GPHN: variants seen among roughly 807,000 people sequenced by gnomAD.
The protein encoded by GPHN is gephyrin.
Under a neutral mutation model 95.5 loss-of-function variants are expected in GPHN, and 17 were observed. The ratio of observed to expected loss-of-function variants is 0.18; its 90% CI spans 0.12 to 0.27. GPHN has a LOEUF of 0.27. GPHN is among the 10% of genes least tolerant of loss of function. The pLI is 1.00. For missense variants in GPHN, 660 were observed against 978.1 expected (o/e 0.67, Z 4.34); for synonymous variants, 320 against 322.5 (o/e 0.99, Z 0.08).
At chr14:67,446,761 GT>G in the GPHN span, among the ~76,000 whole-genome samples, 23 of 152,174 alleles carry the variant, frequency 1.5e-4, no homozygotes, top group Non-Finnish European at 2.5e-4. Context: ...AGCTAACAGG[GT>G]TATATTTAAT....
chr14:66,687,485 G>GTTTTTTTTTTT (rs1468240848), intron 2 of GPHN, among the ~76,000 whole-genome samples: 1 of 143,750 alleles, frequency 7.0e-6, no homozygotes, highest in Non-Finnish European at 1.5e-5. Flanking sequence ...TATTTTATTT[G>GTTTTTTTTTTT]GTTTTTTTTT....
chr14:67,079,882 A>G (rs2153662348), intron 11 of GPHN, among the ~76,000 whole-genome samples: 1 of 152,202 alleles, frequency 6.6e-6, no homozygotes, highest in African/African-American at 2.4e-5. Context: ...ACTATTGTGA[A>G]TATAGTTTCT....
At chr14:67,076,473 A>T (rs1306491446) in intron 11 of GPHN, among the ~76,000 whole-genome samples, 1 of 152,140 alleles carries the variant, frequency 6.6e-6, no homozygotes, top group Non-Finnish European at 1.5e-5. Flanking sequence ...TTTTTTAATG[A>T]TGTAGAGACT....
chr14:67,693,427 C>T, the GPHN span, among the ~76,000 whole-genome samples: 1 of 151,960 alleles, frequency 6.6e-6, no homozygotes. Context: ...AATCTGTCCA[C>T]AACTGGCATT....
chr14:67,211,731 C>G, the GPHN span, among the ~76,000 whole-genome samples: 1 of 152,060 alleles, frequency 6.6e-6, no homozygotes, highest in African/African-American at 2.4e-5. Context: ...TTAACAAAAC[C>G]CTGCCACCAA....
chr14:67,065,626 A>G (rs145544559), intron 11 of GPHN, among the ~76,000 whole-genome samples: 61 of 152,192 alleles, frequency 4.0e-4, no homozygotes, highest in African/African-American at 1.3e-3. Flanking sequence ...TCTTGGGTGC[A>G]TATATATTTA....
chr14:67,570,722 C>T, the GPHN span: 1 of 152,204 alleles, frequency 6.6e-6, no homozygotes, highest in Non-Finnish European at 1.5e-5. Context: ...TCCTTCCCTA[C>T]CTCCTCCTTT....
the GPHN span, among the ~76,000 whole-genome samples, chr14:67,430,913 C>T: frequency 5.9e-5 from 9 of 152,144 alleles, no homozygotes; most frequent in Non-Finnish European, 1.3e-4. Flanking sequence ...GGCTGGGGAT[C>T]GGGGCACCAG....
intron 2 of GPHN, among the ~76,000 whole-genome samples, chr14:66,770,806 ATT>A: frequency 6.6e-6 from 1 of 152,074 alleles, no homozygotes; most frequent in Non-Finnish European, 1.5e-5. Flanking sequence ...CTTATAGTAT[ATT>A]GTTATCATTG....
At chr14:67,566,966 C>T in the GPHN span, among the ~76,000 whole-genome samples, 5 of 152,110 alleles carry the variant, frequency 3.3e-5, no homozygotes, top group African/African-American at 7.2e-5. Flanking sequence ...TAAGGGGCAG[C>T]GTCAGGTCTT....
chr14:66,908,418 T>C (rs140142838), intron 5 of GPHN, among the ~76,000 whole-genome samples: 212 of 152,116 alleles, frequency 1.4e-3, no homozygotes, highest in African/African-American at 4.7e-3. Context: ...ATCCAAAGTA[T>C]AAAATAAACA....
At chr14:66,535,066 C>T (rs2059092313) in intron 1 of GPHN, among the ~76,000 whole-genome samples, 2 of 152,086 alleles carry the variant, frequency 1.3e-5, no homozygotes. Context: ...ATTACAGGAT[C>T]ATGAAAATAT....
the GPHN span, among the ~76,000 whole-genome samples, chr14:67,305,617 A>C: frequency 6.6e-6 from 1 of 152,222 alleles, no homozygotes; most frequent in African/African-American, 2.4e-5. Context: ...CCTGCTATTC[A>C]TGCAGAATCT....
At chr14:67,395,713 T>G in the GPHN span, 5 of 657,980 alleles carry the variant, frequency 7.6e-6, 1 homozygote, top group South Asian at 9.2e-5. Flanking sequence ...CTCGGCCACA[T>G]AGCAGGTAGT....
chr14:67,449,472 G>A, the GPHN span, among the ~76,000 whole-genome samples: 1 of 152,126 alleles, frequency 6.6e-6, no homozygotes, highest in Non-Finnish European at 1.5e-5. Flanking sequence ...GCAGGGTGTG[G>A]GGAAGTGGGG....
chr14:67,693,525 A>G, the GPHN span, among the ~76,000 whole-genome samples: 1 of 151,780 alleles, frequency 6.6e-6, no homozygotes, highest in African/African-American at 2.4e-5. Context: ...AAGAAAAAAA[A>G]AACACACCCA....
the GPHN span, chr14:67,555,689 C>T: frequency 9.4e-5 from 121 of 1,286,006 alleles, no homozygotes; most frequent in East Asian, 3.1e-3. Flanking sequence ...TACCCTGACA[C>T]TCTCGAGCCA....
the GPHN span, among the ~76,000 whole-genome samples, chr14:67,560,541 A>C: frequency 6.6e-6 from 1 of 152,042 alleles, no homozygotes; most frequent in African/African-American, 2.4e-5. Context: ...CTCTTCCCCC[A>C]TCGCCTGGTA....
intron 1 of GPHN, among the ~76,000 whole-genome samples, chr14:66,668,516 C>T (rs532062461): frequency 6.6e-6 from 1 of 152,208 alleles, no homozygotes; most frequent in African/African-American, 2.4e-5. Context: ...TTATCCTTAG[C>T]AAAGTAACAC....
Sources: allele counts gnomAD v4.1 joint callset (sites outside exome capture counted in the v4.1 genomes callset), GRCh38; gene constraint gnomAD v4.1.1; transcripts MANE v1.5; gene names NCBI Gene and HGNC (gene_info 2026-07-23, HGNC 2026-07-21).